MAP3K13: variants seen among roughly 807,000 people sequenced by gnomAD.
MAP3K13 encodes the protein mitogen-activated protein kinase kinase kinase 13.
A neutral mutation model predicts 104.0 loss-of-function variants in MAP3K13; 52 were observed. That is an observed-to-expected ratio of 0.50 (90% confidence interval 0.40 to 0.63). The LOEUF (loss-of-function observed/expected upper bound fraction) is 0.63. Ranked by LOEUF, MAP3K13 falls within the 20% of genes least tolerant of loss-of-function variation. MAP3K13 has a pLI of 0.00. For synonymous variants in MAP3K13, 394 were observed against 442.2 expected (o/e 0.89, Z 1.37); for missense variants, 914 against 1,218.5 (o/e 0.75, Z 3.72).
intron 7 of MAP3K13, among the ~76,000 whole-genome samples, chr3:185,453,624 C>T (rs1716014553): frequency 6.6e-6 from 1 of 151,628 alleles, no homozygotes; most frequent in Non-Finnish European, 1.5e-5. Flanking sequence ...CAAAAATTAG[C>T]TGCACGTGGT....
intron 2 of MAP3K13, among the ~76,000 whole-genome samples, chr3:185,308,254 A>G (rs1456437618): frequency 2.6e-5 from 4 of 151,722 alleles, no homozygotes; most frequent in Non-Finnish European, 5.9e-5. Context: ...TGTGCCTGTA[A>G]TTTCCCAATT....
intron 7 of MAP3K13, among the ~76,000 whole-genome samples, chr3:185,455,945 A>G (rs910948153): frequency 7.6e-5 from 11 of 145,460 alleles, no homozygotes; most frequent in Admixed American, 2.1e-4. Flanking sequence ...TGAGATATAT[A>G]TATGATGTAT....
chr3:185,289,338 A>G (rs76773487), intron 2 of MAP3K13, among the ~76,000 whole-genome samples: 68 of 152,226 alleles, frequency 4.5e-4, no homozygotes, highest in African/African-American at 1.6e-3. Flanking sequence ...CAAATCCTAA[A>G]AACTTTTTTA....
intron 1 of MAP3K13, among the ~76,000 whole-genome samples, chr3:185,406,237 C>G (rs557581400): frequency 2.3e-4 from 35 of 152,236 alleles, no homozygotes; most frequent in Non-Finnish European, 4.0e-4. Context: ...TTAGCCCTTC[C>G]TAGCCGGCAA....
chr3:185,446,054 C>T (rs1355740747), intron 4 of MAP3K13, among the ~76,000 whole-genome samples: 1 of 152,116 alleles, frequency 6.6e-6, no homozygotes, highest in Non-Finnish European at 1.5e-5. Flanking sequence ...ATATTACGTG[C>T]AAAACCAGGG....
intron 7 of MAP3K13, among the ~76,000 whole-genome samples, chr3:185,452,348 C>G (rs1258116585): frequency 2.0e-5 from 3 of 152,108 alleles, no homozygotes; most frequent in African/African-American, 7.2e-5. Context: ...TTCAGCCCCC[C>G]AAGTACCTAG....
chr3:185,483,041 T>C lies in MAP3K13; in HGVS notation c.*585T>C, dbSNP rs1718551640. The C allele has an allele frequency of 4.3e-6, 1 of 232,030 alleles. No homozygotes were observed. Among genetic ancestry groups the C allele is most frequent in the Non-Finnish European group, 8.5e-6 (1 of 117,336 alleles). 14.4% of individuals were successfully genotyped at this position (232,030 alleles called of 1,614,324 possible). On this transcript the variant is annotated 3_prime_UTR_variant, in exon 14 of 14. Coordinates refer to ENST00000265026, the MANE Select transcript of MAP3K13 (RefSeq NM_004721.5). ...CCAGGCAACTTGTGAACAGACCATA[T>C]TCACTTCAACCAGCTTGTCCAGGTG...
chr3:185,364,691 C>T (rs1034986038), intron 1 of MAP3K13, among the ~76,000 whole-genome samples: 6 of 152,036 alleles, frequency 3.9e-5, no homozygotes, highest in Non-Finnish European at 7.4e-5. Flanking sequence ...TTGATATTAC[C>T]GTCAATCATT....
rs747409834 is a variant in MAP3K13 at position 185,451,341 on chromosome 3, C to T, written c.1224C>T (p.Asp408=). 4 of 1,613,724 alleles carry T rather than the reference C, an allele frequency of 2.5e-6. No homozygotes were observed. The highest frequency in any genetic ancestry group is 3.4e-6 in the Non-Finnish European group (4 of 1,179,778). The change falls in exon 7 of 14, where the codon GAC becomes GAT. Residue 408 remains aspartate (D), a synonymous_variant. Coordinates refer to ENST00000265026, the MANE Select transcript of MAP3K13 (RefSeq NM_004721.5). ...PSFRQTLMHL[D]IASADVLATP... is the part of the protein sequence containing the mutation. ...TTCGGCAGACACTCATGCATTTAGA[C>T]ATTGCCTCTGCAGATGTACTTGCCA...
chr3:185,357,838 T>C (rs976529916), intron 2 of MAP3K13, among the ~76,000 whole-genome samples: 7 of 152,224 alleles, frequency 4.6e-5, no homozygotes, highest in Non-Finnish European at 1.0e-4. Context: ...ACATAAAATC[T>C]CAAGCAATTG....
At chr3:185,351,728 C>T (rs1009448666) in intron 2 of MAP3K13, among the ~76,000 whole-genome samples, 2 of 152,172 alleles carry the variant, frequency 1.3e-5, no homozygotes, top group Admixed American at 6.5e-5. Flanking sequence ...TGAATAGCCA[C>T]GTAACACCAA....
chr3:185,454,008 GAT>G (rs748155219), intron 7 of MAP3K13, among the ~76,000 whole-genome samples: 7 of 11,958 alleles, frequency 5.9e-4, no homozygotes, highest in South Asian at 3.1e-3. Flanking sequence ...ATATATATGA[GAT>G]ATATATATGA....
Position 185,466,931 on chromosome 3 carries a change from A to C in MAP3K13, c.1611A>C (p.Gly537=). 6.2e-7 allele frequency: 1 copy of C among 1,613,984 alleles called. No homozygotes were observed. The highest frequency in any genetic ancestry group is 8.5e-7 in the Non-Finnish European group (1 of 1,179,858). Residue 537 remains glycine, a synonymous_variant, in exon 10 of 14, where the codon GGA becomes GGC. Coordinates refer to ENST00000265026, the MANE Select transcript of MAP3K13 (RefSeq NM_004721.5). ...TGGAGAAACTCATGAAAAGGAAAGGAGTGCCTCACAAATCTGGGATGCAGA... is the reference window on the plus strand; with the variant it reads ...TGGAGAAACTCATGAAAAGGAAAGGCGTGCCTCACAAATCTGGGATGCAGA... The part of the protein sequence containing the change: ...NAMEKLMKRK[G]VPHKSGMQTK...
chr3:185,455,716 G>GAT (rs375658483), intron 7 of MAP3K13, among the ~76,000 whole-genome samples: 1,980 of 11,002 alleles, frequency 0.18, 404 homozygotes, highest in African/African-American at 0.27. Flanking sequence ...ATATATATGA[G>GAT]ATATATATGA....
chr3:185,417,652 G>A (rs1713857054), intron 1 of MAP3K13: 1 of 1,611,980 alleles, frequency 6.2e-7, no homozygotes, highest in African/African-American at 1.3e-5. Flanking sequence ...ACCTACCACA[G>A]GCTTCTTGCC....
chr3:185,476,475 A>G (rs1718137594), intron 11 of MAP3K13: 1 of 152,152 alleles, frequency 6.6e-6, no homozygotes, highest in South Asian at 2.1e-4. Flanking sequence ...CTTGGACCCA[A>G]TTACCCACCT....
At chr3:185,381,976 T>G (rs1324728634) in intron 1 of MAP3K13, among the ~76,000 whole-genome samples, 1 of 152,204 alleles carries the variant, frequency 6.6e-6, no homozygotes, top group African/African-American at 2.4e-5. Context: ...ATAACAAGAC[T>G]TAACTGTAGT....
intron 1 of MAP3K13, among the ~76,000 whole-genome samples, chr3:185,402,063 A>G (rs559078928): frequency 6.6e-6 from 1 of 152,334 alleles, no homozygotes; most frequent in Middle Eastern, 3.4e-3. Flanking sequence ...GGATTAAATC[A>G]GATTTTCAAG....
intron 7 of MAP3K13, among the ~76,000 whole-genome samples, chr3:185,455,724 T>A (rs1158663217): frequency 8.1e-5 from 3 of 37,200 alleles, no homozygotes; most frequent in African/African-American, 2.0e-4. Flanking sequence ...GAGATATATA[T>A]GATATATATA....
Sources: gnomAD v4.1 joint callset for allele counts (sites outside exome capture counted in the v4.1 genomes callset) on GRCh38, gnomAD v4.1.1 for gene constraint, MANE v1.5 for transcripts, NCBI Gene and HGNC (gene_info 2026-07-23, HGNC 2026-07-21) for gene names.